NDRG1: variants seen among roughly 807,000 people sequenced by gnomAD.
NDRG1 encodes the protein N-myc downstream regulated 1.
A neutral mutation model predicts 56.9 loss-of-function variants in NDRG1; 32 were observed. The observed-to-expected ratio is 0.56, with a 90% CI of 0.42 to 0.76. The LOEUF (loss-of-function observed/expected upper bound fraction) is 0.76, where lower values mean the gene tolerates loss of function less well. NDRG1 is among the 30% of genes least tolerant of loss of function. The pLI is 0.00. For synonymous variants in NDRG1, 211 were observed against 204.1 expected (o/e 1.03, Z -0.29); for missense variants, 507 against 545.7 (o/e 0.93, Z 0.71).
chr8:133,257,357 T>C (rs1484388692), intron 7 of NDRG1, among the ~76,000 whole-genome samples: 3 of 151,818 alleles, frequency 2.0e-5, no homozygotes, highest in African/African-American at 7.3e-5. Flanking sequence ...ATAACAGGGA[T>C]ACTTTCTGAG....
At chr8:133,282,741 T>C (rs1268787621) in intron 2 of NDRG1, among the ~76,000 whole-genome samples, 1 of 152,252 alleles carries the variant, frequency 6.6e-6, no homozygotes, top group East Asian at 1.9e-4. Context: ...GCTTTCTTGC[T>C]ATAATGGCAA....
chr8:133,294,386 A>C (rs192686399), intron 1 of NDRG1, among the ~76,000 whole-genome samples: 108 of 152,226 alleles, frequency 7.1e-4, no homozygotes, highest in African/African-American at 2.5e-3. Context: ...AGGGAGAGAG[A>C]TGTCGTGTCC....
chr8:133,271,414 T>C (rs546383227), intron 3 of NDRG1, among the ~76,000 whole-genome samples: 2 of 152,204 alleles, frequency 1.3e-5, no homozygotes, highest in East Asian at 3.9e-4. Context: ...CTCCCCACCA[T>C]CTTTTCATAA....
At chr8:133,282,368 G>A (rs1293443528) in intron 2 of NDRG1, among the ~76,000 whole-genome samples, 2 of 152,104 alleles carry the variant, frequency 1.3e-5, no homozygotes, top group African/African-American at 4.8e-5. Context: ...TCATATACTG[G>A]GCACTGGGCA....
rs1856497028 is a variant in NDRG1 at position 133,258,510 on chromosome 8, G to T, written c.390-84C>A. 7.2e-6 allele frequency: 10 copies of T among 1,388,602 alleles called. No homozygotes were observed. In the South Asian group the frequency reaches 1.2e-4, roughly 17 times the overall value. The allele number at this position is 1,388,602 out of a possible 1,614,324, so 86.0% of individuals were successfully genotyped here. On this transcript the variant is annotated intron_variant, in intron 6 of 15. Coordinates refer to ENST00000323851, the MANE Select transcript of NDRG1 (RefSeq NM_006096.4). ...GACCCACTTAGAACTTCCTGAGGGT[G>T]ACCGCCTGGCTAGGCAATGCGGGAG...
chr8:133,294,981 C>T (rs1381216407), intron 1 of NDRG1, among the ~76,000 whole-genome samples: 1 of 152,212 alleles, frequency 6.6e-6, no homozygotes, highest in Admixed American at 6.5e-5. Context: ...CACATCCCTC[C>T]CCATCCCTGT....
intron 13 of NDRG1, among the ~76,000 whole-genome samples, chr8:133,246,237 G>A (rs933959535): frequency 6.6e-6 from 1 of 152,216 alleles, no homozygotes; most frequent in Non-Finnish European, 1.5e-5. Flanking sequence ...AGATGAACTT[G>A]CTGGACAAAG....
chr8:133,254,675 G>T, intron 8 of NDRG1, 80 bp from the exon 9 acceptor site: 1 of 1,417,176 alleles, frequency 7.1e-7, no homozygotes, highest in East Asian at 2.4e-5. Context: ...CACTTCCCTG[G>T]GTGCAGGGTG....
chr8:133,279,569 C>T (rs1013292265), intron 3 of NDRG1, among the ~76,000 whole-genome samples: 3 of 152,212 alleles, frequency 2.0e-5, no homozygotes, highest in East Asian at 1.9e-4. Context: ...TCCAGGAGTG[C>T]GCCTCTCCTC....
At chr8:133,249,239 A>C in intron 10 of NDRG1, 1 of 243,034 alleles carries the variant, frequency 4.1e-6, no homozygotes, top group African/African-American at 2.2e-5. Flanking sequence ...CCCTGTCTCA[A>C]ACCCTGTGGT....
chr8:133,257,409 C>T (rs1437416731), intron 7 of NDRG1, among the ~76,000 whole-genome samples: 3 of 151,968 alleles, frequency 2.0e-5, no homozygotes, highest in East Asian at 3.9e-4. Context: ...GTGAAGATCT[C>T]AGAGTATACT....
chr8:133,246,518 G>A (rs576403595), intron 13 of NDRG1, 98 bp downstream of exon 13: 82 of 1,194,702 alleles, frequency 6.9e-5, no homozygotes, highest in South Asian at 1.6e-4. Flanking sequence ...GTTTCTGATC[G>A]TGTGCCTTGC....
chr8:133,273,489 G>A (rs920319462), intron 3 of NDRG1, among the ~76,000 whole-genome samples: 11 of 147,486 alleles, frequency 7.5e-5, no homozygotes, highest in African/African-American at 2.7e-4. Context: ...GGATGGCAAG[G>A]ATAGATGGCA....
chr8:133,285,965 A>C (rs1347248409), intron 1 of NDRG1, among the ~76,000 whole-genome samples: 2 of 152,118 alleles, frequency 1.3e-5, no homozygotes, highest in African/African-American at 4.8e-5. Flanking sequence ...GGGCCCTGCC[A>C]ACGCCACCCC....
At chr8:133,242,196 C>T (rs190216948) in intron 14 of NDRG1, 122 bp from the exon 15 acceptor site, 36 of 968,098 alleles carry the variant, frequency 3.7e-5, no homozygotes, top group African/African-American at 4.8e-5. Context: ...AAAGCCATCA[C>T]GTGTTGACAG....
intron 3 of NDRG1, among the ~76,000 whole-genome samples, chr8:133,271,778 T>TAAAAAAA (rs66733314): frequency 1.6e-4 from 5 of 30,486 alleles, no homozygotes; most frequent in African/African-American, 6.7e-4. Flanking sequence ...AGACCCTGTC[T>TAAAAAAA]AAAAAAAAAA....
chr8:133,242,942 G>A (rs533935997), intron 14 of NDRG1, among the ~76,000 whole-genome samples: 7 of 152,336 alleles, frequency 4.6e-5, no homozygotes, highest in East Asian at 1.9e-4. Flanking sequence ...AGTGAAATGC[G>A]TATGGAATGC....
intron 1 of NDRG1, among the ~76,000 whole-genome samples, chr8:133,293,360 A>C (rs1858537290): frequency 1.3e-5 from 2 of 152,164 alleles, no homozygotes; most frequent in Admixed American, 6.5e-5. Flanking sequence ...TCCTTCTCAA[A>C]AGGTGGGCCC....
At chr8:133,248,589 T>C in intron 11 of NDRG1, 126 bp downstream of exon 11, 2 of 1,150,730 alleles carry the variant, frequency 1.7e-6, no homozygotes, top group Admixed American at 3.4e-5. Flanking sequence ...AGTCTCTGGG[T>C]GGAATATATC....
Sources: allele counts gnomAD v4.1 joint callset (sites outside exome capture counted in the v4.1 genomes callset), GRCh38; gene constraint gnomAD v4.1.1; transcripts MANE v1.5; gene names NCBI Gene and HGNC (gene_info 2026-07-23, HGNC 2026-07-21).